Variants in TMEM183A observed in about 807,000 individuals in gnomAD.
TMEM183A encodes transmembrane protein 183A.
A neutral mutation model predicts 46.7 loss-of-function variants in TMEM183A; 21 were observed. The observed-to-expected ratio is 0.45, with a 90% CI of 0.32 to 0.65. The LOEUF (loss-of-function observed/expected upper bound fraction) is 0.65. Ranked by LOEUF, TMEM183A falls within the 30% of genes least tolerant of loss-of-function variation. TMEM183A has a pLI of 0.04. For synonymous variants in TMEM183A, 165 were observed against 180.2 expected (o/e 0.92, Z 0.68); for missense variants, 331 against 481.9 (o/e 0.69, Z 2.93).
Position 203,018,480 on chromosome 1 carries a change from G to C in TMEM183A, c.709-1G>C. 1 of 1,608,368 alleles carries C rather than the reference G, an allele frequency of 6.2e-7. No homozygotes were observed. The highest frequency in any genetic ancestry group is 8.5e-7 in the Non-Finnish European group (1 of 1,178,616). ...TTTATTTTATTTTTACTTTCTTATA[G>C]TGCTTACTTTTCTGGTGCAGAAAGA... On this transcript the variant is annotated splice_acceptor_variant, in intron 5 of 7. Coordinates refer to ENST00000367242, the MANE Select transcript of TMEM183A (RefSeq NM_138391.6). LOFTEE classifies it high-confidence loss of function.
intron 2 of TMEM183A, 44 bp from the exon 3 acceptor site, chr1:203,008,599 G>C: frequency 7.1e-7 from 1 of 1,407,872 alleles, no homozygotes; most frequent in South Asian, 1.7e-5. Flanking sequence ...TGTATTTCTG[G>C]GTGGAGCTGT....
At chr1:203,014,130 G>A (rs1201589791) in intron 3 of TMEM183A, among the ~76,000 whole-genome samples, 2 of 152,208 alleles carry the variant, frequency 1.3e-5, no homozygotes, top group East Asian at 3.9e-4. Context: ...TAAACCATGA[G>A]CAGGGCTTAA....
intron 3 of TMEM183A, among the ~76,000 whole-genome samples, chr1:203,012,276 C>CACACACACACAA (rs1330683056): frequency 4.0e-5 from 6 of 148,486 alleles, no homozygotes; most frequent in African/African-American, 1.2e-4. Context: ...CACACACACA[C>CACACACACACAA]ACGGTTATTT....
chr1:203,017,023 A>G (rs985142810), intron 5 of TMEM183A, among the ~76,000 whole-genome samples: 2 of 152,174 alleles, frequency 1.3e-5, no homozygotes, highest in Non-Finnish European at 2.9e-5. Context: ...GGGTGATCAT[A>G]TCCTACCTAA....
chr1:203,017,121 T>C (rs901627748), intron 5 of TMEM183A, among the ~76,000 whole-genome samples: 3 of 152,320 alleles, frequency 2.0e-5, no homozygotes, highest in East Asian at 1.9e-4. Context: ...GGCTGTTGGC[T>C]GAGCTCAATT....
chr1:203,019,494 T>C (rs1171428668), intron 6 of TMEM183A, among the ~76,000 whole-genome samples: 8 of 152,230 alleles, frequency 5.3e-5, no homozygotes, highest in Non-Finnish European at 1.2e-4. Flanking sequence ...AAGTGTATGC[T>C]GAATTATTTA....
Position 203,008,905 on chromosome 1 carries a change from G to A in TMEM183A, c.367+95G>A, listed in dbSNP as rs1269164157. ...AGTAGCACAGGAGGAGATATAAGAC[G>A]TGATACCAGGAGAGTTTAAAGAAAA... On this transcript the variant is annotated intron_variant, in intron 3 of 7. Transcript: ENST00000367242. 1.2e-5 allele frequency: 15 copies of A among 1,282,496 alleles called. No homozygotes were observed. In the East Asian group the frequency reaches 2.6e-4, roughly 22 times the overall value. The allele number at this position is 1,282,496 out of a possible 1,614,324, so 79.4% of individuals were successfully genotyped here.
At chr1:203,021,607 A>G (rs947982703) in intron 7 of TMEM183A, among the ~76,000 whole-genome samples, 2 of 152,208 alleles carry the variant, frequency 1.3e-5, no homozygotes, top group Non-Finnish European at 2.9e-5. Context: ...TGGGCACTGT[A>G]TGTCAGGACC....
intron 7 of TMEM183A, among the ~76,000 whole-genome samples, chr1:203,022,332 C>T (rs1049182956): frequency 2.8e-4 from 42 of 151,998 alleles, no homozygotes; most frequent in Non-Finnish European, 1.0e-4. Context: ...CCAAAGTGCT[C>T]ATTAGGGAGG....
At chr1:203,007,988 T>C in intron 2 of TMEM183A, 125 bp downstream of exon 2, 1 of 1,191,102 alleles carries the variant, frequency 8.4e-7, no homozygotes, top group Non-Finnish European at 1.2e-6. Context: ...TAGTGTTAAC[T>C]TACATATTGG....
At position 203,024,029 on chromosome 1, in the gene TMEM183A, A is replaced by G. The variant is rs1172408541; in HGVS notation, c.*989A>G. ...AAATATGTATTTCTGAATAAAATGT[A>G]AAACCAAGAAAGTTATTTCAGGAAG... On this transcript the variant is annotated 3_prime_UTR_variant, in exon 8 of 8. Coordinates refer to ENST00000367242, the MANE Select transcript of TMEM183A (RefSeq NM_138391.6). The G allele has an allele frequency of 6.6e-6, 1 of 152,270 alleles. No homozygotes were observed. The highest frequency in any genetic ancestry group is 2.4e-5 in the African/African-American group (1 of 41,468). The allele number at this position is 152,270 out of a possible 1,614,324, so 9.4% of individuals were successfully genotyped here. A position where few individuals can be genotyped will look rare whatever the true frequency, so the allele number is the denominator to read the frequency against.
chr1:203,012,006 A>T (rs1405427021), intron 3 of TMEM183A, among the ~76,000 whole-genome samples: 2 of 151,592 alleles, frequency 1.3e-5, no homozygotes, highest in East Asian at 3.9e-4. Flanking sequence ...TTATAACTCC[A>T]TATAACTATT....
At position 203,013,793 on chromosome 1, in the gene TMEM183A, G is replaced by C. The variant is rs1656900478; in HGVS notation, c.368-1096G>C. On this transcript the variant is annotated intron_variant, in intron 3 of 7. Coordinates refer to ENST00000367242, the MANE Select transcript of TMEM183A (RefSeq NM_138391.6). This position sits in a 1 kb window ranked among gnomAD's most constrained non-coding sequence, Gnocchi z 4.0. The stretch of plus-strand genomic sequence containing the variant: ...CTCCCAAAGTGTTGGGATTACAGGC[G>C]TGAGCCACCGTGCCCGGCCTAAGTG... Among the ~76,000 whole-genome samples the C allele has an allele frequency of 6.6e-6, 1 of 151,978 alleles. No individual in the cohort carries two copies. Among genetic ancestry groups the C allele is most frequent in the Admixed American group, 6.6e-5 (1 of 15,266 alleles).
In TMEM183A at chr1:203,020,933, A is replaced by G. The variant is rs755180565; in HGVS notation, c.930A>G (p.Gly310=). Residue 310 remains glycine, a synonymous_variant, in exon 7 of 8, where the codon GGA becomes GGG. Coordinates refer to ENST00000367242, the MANE Select transcript of TMEM183A (RefSeq NM_138391.6). ...LNFIFIPIVM[G]MIFTLFTINV... is the part of the protein sequence containing the mutation. Reference sequence around the variant, plus strand: ...TCATCTTTATTCCGATTGTCATGGGAATGATATTTACTCTGGTAAGTGGGG... The same window carrying G: ...TCATCTTTATTCCGATTGTCATGGGGATGATATTTACTCTGGTAAGTGGGG... 1.9e-5 allele frequency: 31 copies of G among 1,594,786 alleles called. No homozygotes were observed. Among genetic ancestry groups the G allele is most frequent in the Non-Finnish European group, 2.7e-5 (31 of 1,169,000 alleles).
In TMEM183A at chr1:203,007,392, C is replaced by G; in HGVS notation, c.-74C>G. 1 of 1,301,226 alleles carries G rather than the reference C, an allele frequency of 7.7e-7. No homozygotes were observed. Among genetic ancestry groups the G allele is most frequent in the Non-Finnish European group, 9.8e-7 (1 of 1,018,768 alleles). 80.6% of individuals were successfully genotyped at this position (1,301,226 alleles called of 1,614,324 possible). On this transcript the variant is annotated 5_prime_UTR_variant, in exon 1 of 8. Transcript: ENST00000367242. ...CTATGTTCTCGCGAGAGTTAGCGGC[C>G]TCCGGTGTGGGATGGCCGCGGAGCC...
intron 4 of TMEM183A, chr1:203,015,709 C>G: frequency 2.0e-6 from 1 of 493,728 alleles, no homozygotes; most frequent in Non-Finnish European, 3.6e-6. Context: ...TATACCGATA[C>G]CAATTCAGAG....
chr1:203,014,236 A>G (rs1571611334), intron 3 of TMEM183A, among the ~76,000 whole-genome samples: 1 of 152,192 alleles, frequency 6.6e-6, no homozygotes, highest in African/African-American at 2.4e-5. Context: ...AATGGGCGCA[A>G]TAATATTTTT....
rs1042830606 is a variant in TMEM183A, at chr1:203,024,590, CTG to C, written c.*1552_*1553del. Reference sequence around the variant, plus strand: ...TCCCACGTTGAGGGTGGTATTAAAACTGTTCACACAGAGTGAGCCTGGGTCAG... The same window carrying C: ...TCCCACGTTGAGGGTGGTATTAAAACTTCACACAGAGTGAGCCTGGGTCAG... On this transcript the variant is annotated 3_prime_UTR_variant, in exon 8 of 8. Transcript: ENST00000367242. 2.0e-5 allele frequency: 3 copies of C among 151,212 alleles called. No individual in the cohort carries two copies. The highest frequency in any genetic ancestry group is 4.4e-5 in the Non-Finnish European group (3 of 67,924). 9.4% of individuals were successfully genotyped at this position (151,212 alleles called of 1,614,324 possible).
intron 5 of TMEM183A, 23 bp downstream of exon 5, chr1:203,016,163 G>A (rs759904524): frequency 3.2e-5 from 51 of 1,613,798 alleles, no homozygotes; most frequent in Non-Finnish European, 3.9e-5. Context: ...TTGTGTTGGG[G>A]TTTGACTAAT....
Sources: allele counts gnomAD v4.1 joint callset (sites outside exome capture counted in the v4.1 genomes callset), GRCh38; gene constraint gnomAD v4.1.1; non-coding constraint Gnocchi (gnomAD v3.1); transcripts MANE v1.5; gene names NCBI Gene and HGNC (gene_info 2026-07-23, HGNC 2026-07-21).